KDM4C: variants seen among roughly 807,000 people sequenced by gnomAD.
The protein encoded by KDM4C is lysine-specific demethylase 4C.
KDM4C carries 81 observed loss-of-function variants against 129.3 expected under a neutral mutation model. The ratio of observed to expected loss-of-function variants is 0.63; its 90% CI spans 0.52 to 0.75. The LOEUF is 0.75. Ranked by LOEUF, KDM4C falls within the 30% of genes least tolerant of loss-of-function variation. KDM4C has a pLI of 0.00. For missense variants in KDM4C, 1,457 were observed against 1,304.0 expected (o/e 1.12, Z -1.81); for synonymous variants, 573 against 456.1 (o/e 1.26, Z -3.26).
At chr9:7,132,125 T>G (rs1376029142) in intron 19 of KDM4C, among the ~76,000 whole-genome samples, 1 of 152,236 alleles carries the variant, frequency 6.6e-6, no homozygotes, top group Admixed American at 6.5e-5. Context: ...TTCAGTTTCC[T>G]ATGAAAATCA....
At chr9:7,066,308 C>G in intron 17 of KDM4C, among the ~76,000 whole-genome samples, 1 of 152,168 alleles carries the variant, frequency 6.6e-6, no homozygotes, top group Non-Finnish European at 1.5e-5. Flanking sequence ...CCCCTCTCCA[C>G]CCCGCAAAGG....
chr9:6,821,163 T>G (rs564376472), intron 4 of KDM4C, among the ~76,000 whole-genome samples: 1 of 151,976 alleles, frequency 6.6e-6, no homozygotes, highest in East Asian at 1.9e-4. Context: ...CTGTTGTGAA[T>G]AGTGCAGCAG....
intron 1 of KDM4C, among the ~76,000 whole-genome samples, chr9:6,789,630 T>G (rs1826158367): frequency 6.6e-6 from 1 of 152,054 alleles, no homozygotes; most frequent in African/African-American, 2.4e-5. Context: ...CCTCTCAAAG[T>G]GCTGGGATTA....
intron 8 of KDM4C, among the ~76,000 whole-genome samples, chr9:6,929,404 G>A (rs183237880): frequency 1.4e-3 from 207 of 150,818 alleles, no homozygotes; most frequent in Non-Finnish European, 1.8e-3. Flanking sequence ...ATTAATATCA[G>A]CTAACATTTG....
chr9:6,845,405 G>A (rs1443019429), intron 4 of KDM4C, among the ~76,000 whole-genome samples: 3 of 152,052 alleles, frequency 2.0e-5, no homozygotes, highest in Non-Finnish European at 4.4e-5. Context: ...TGTAGAGACG[G>A]GGTCTCACTG....
intron 3 of KDM4C, among the ~76,000 whole-genome samples, chr9:6,808,642 A>G (rs1032644002): frequency 4.1e-5 from 6 of 145,372 alleles, no homozygotes; most frequent in African/African-American, 1.5e-4. Flanking sequence ...CTATTGTCCC[A>G]TGACCCTGCC....
At chr9:6,757,610 A>T (rs2130343871), upstream of KDM4C, 1 of 985,164 alleles carries the variant, frequency 1.0e-6, no homozygotes, top group East Asian at 1.1e-4. Context: ...CACCCCGGTA[A>T]CGCCACGCTG....
intron 18 of KDM4C, among the ~76,000 whole-genome samples, chr9:7,127,176 C>A (rs1250734783): frequency 6.6e-6 from 1 of 152,000 alleles, no homozygotes; most frequent in Non-Finnish European, 1.5e-5. Flanking sequence ...ACCACCATTG[C>A]AGTAAAGATT....
At chr9:6,738,364 A>C (rs1817592695) in intron 1 of KDM4C, among the ~76,000 whole-genome samples, 2 of 152,176 alleles carry the variant, frequency 1.3e-5, no homozygotes, top group South Asian at 4.2e-4. Context: ...AATCCCAGCT[A>C]CTCGGGAGGC....
intron 20 of KDM4C, among the ~76,000 whole-genome samples, chr9:7,166,246 A>G (rs978102989): frequency 2.0e-5 from 3 of 152,244 alleles, no homozygotes; most frequent in African/African-American, 7.2e-5. Flanking sequence ...GTCAGTTTCA[A>G]CAGAGAAATT....
intron 8 of KDM4C, chr9:6,941,491 C>T (rs1421770292): frequency 6.6e-6 from 1 of 152,066 alleles, no homozygotes; most frequent in Non-Finnish European, 1.5e-5. Context: ...ATTATCAGAA[C>T]ATATGATAGA....
intron 5 of KDM4C, among the ~76,000 whole-genome samples, chr9:6,859,467 C>G (rs990730681): frequency 2.8e-5 from 3 of 107,078 alleles, no homozygotes; most frequent in Non-Finnish European, 5.3e-5. Flanking sequence ...GAGCGGGACT[C>G]TGTCTCAAAA....
At chr9:6,764,876 C>G (rs950598837) in intron 1 of KDM4C, among the ~76,000 whole-genome samples, 2 of 152,192 alleles carry the variant, frequency 1.3e-5, no homozygotes, top group African/African-American at 4.8e-5. Flanking sequence ...TCTTTCCTCT[C>G]AGCTCTGCTT....
chr9:7,129,449 G>C (rs1316591346), intron 19 of KDM4C, among the ~76,000 whole-genome samples: 4 of 152,140 alleles, frequency 2.6e-5, no homozygotes, highest in Non-Finnish European at 5.9e-5. Flanking sequence ...GTTCTAGCTG[G>C]AGTTTCCCTT....
intron 17 of KDM4C, among the ~76,000 whole-genome samples, chr9:7,090,718 T>A (rs1439995910): frequency 3.3e-5 from 5 of 152,230 alleles, no homozygotes; most frequent in Admixed American, 2.6e-4. Flanking sequence ...CTGTTAGATG[T>A]GTGGTGTCTC....
At chr9:6,792,863 G>C (rs1168488465) in intron 1 of KDM4C, 109 bp from the exon 2 acceptor site, 2 of 1,077,632 alleles carry the variant, frequency 1.9e-6, no homozygotes, top group African/African-American at 3.1e-5. Flanking sequence ...GGAATGGGAA[G>C]TGACTGAAAG....
At chr9:6,880,091 G>A (rs776017016) in intron 6 of KDM4C, 30 bp downstream of exon 6, 11 of 1,489,544 alleles carry the variant, frequency 7.4e-6, no homozygotes, top group Non-Finnish European at 9.3e-6. Context: ...TTTGTTTTCT[G>A]TGTTTTATAT....
At chr9:7,000,469 G>C (rs1443853156) in intron 12 of KDM4C, among the ~76,000 whole-genome samples, 1 of 152,006 alleles carries the variant, frequency 6.6e-6, no homozygotes, top group East Asian at 1.9e-4. Context: ...TGAGTCTTTG[G>C]GTTCATGTAT....
intron 4 of KDM4C, among the ~76,000 whole-genome samples, chr9:6,820,762 G>A (rs1258571965): frequency 2.2e-5 from 3 of 138,704 alleles, no homozygotes. Flanking sequence ...TAGGATACAT[G>A]TGCAACGTGC....
Sources: gnomAD v4.1 joint callset for allele counts (sites outside exome capture counted in the v4.1 genomes callset) on GRCh38, gnomAD v4.1.1 for gene constraint, MANE v1.5 for transcripts, NCBI Gene and HGNC (gene_info 2026-07-23, HGNC 2026-07-21) for gene names.